Variants in DCTN4 observed in about 807,000 individuals in gnomAD.
DCTN4 encodes dynactin 4 (p62).
DCTN4 carries 23 observed loss-of-function variants against 62.7 expected under a neutral mutation model. The observed-to-expected ratio is 0.37, with a 90% confidence interval of 0.26 to 0.52. The LOEUF is 0.52. DCTN4 is among the 20% of genes least tolerant of loss of function. The pLI, the probability that DCTN4 is intolerant of heterozygous loss-of-function variation, is 0.92. For synonymous variants in DCTN4, 199 were observed against 202.1 expected (o/e 0.98, Z 0.13); for missense variants, 514 against 580.4 (o/e 0.89, Z 1.18).
intron 11 of DCTN4, 53 bp from the exon 12 acceptor site, chr5:150,715,715 A>T: frequency 7.1e-7 from 1 of 1,416,634 alleles, no homozygotes; most frequent in Non-Finnish European, 1.0e-6. Context: ...GTGACAGAAT[A>T]TAGCAAAGTA....
At position 150,708,707 on chromosome 5, in the gene DCTN4, T is replaced by C. The variant is rs1249450117; in HGVS notation, c.*2442A>G. On this transcript the variant is annotated 3_prime_UTR_variant, in exon 13 of 13. Transcript: ENST00000447998. ...ACGCTTGTCTTTTGGCTCTGAGCCA[T>C]GCTACTTAGTATCTACATGAGAGCA... 1 of 152,830 alleles carries C rather than the reference T, an allele frequency of 6.5e-6. No homozygotes were observed. Among genetic ancestry groups the C allele is most frequent in the East Asian group, 1.9e-4 (1 of 5,340 alleles). 9.5% of individuals were successfully genotyped at this position (152,830 alleles called of 1,614,324 possible).
intron 2 of DCTN4, 145 bp from the exon 3 acceptor site, chr5:150,753,802 G>T: frequency 2.7e-6 from 2 of 740,006 alleles, no homozygotes; most frequent in Non-Finnish European, 4.2e-6. Context: ...CAGTTCAAGA[G>T]TACTATATGT....
intron 11 of DCTN4, among the ~76,000 whole-genome samples, chr5:150,717,412 G>A (rs1475026823): frequency 6.6e-6 from 1 of 152,082 alleles, no homozygotes; most frequent in African/African-American, 2.4e-5. Context: ...ATCATGCCCG[G>A]CTAATTTTTG....
rs754780098 is a variant in DCTN4, at chr5:150,731,112, G to A, written c.656C>T (p.Ala219Val). 2 of 1,613,236 alleles carry A rather than the reference G, an allele frequency of 1.2e-6. No individual in the cohort carries two copies. The highest frequency in any genetic ancestry group is 1.7e-6 in the Non-Finnish European group (2 of 1,179,236). Residue 219 changes from alanine (A) to valine (V), a missense_variant, in exon 7 of 13, where the codon GCT (alanine) becomes GTT (valine). Transcript: ENST00000447998. ...EDQKEIKIEP[A>V]QAVDEVEPLP... is the part of the protein sequence containing the mutation. ...AGGTTCCACTTCATCCACAGCCTGA[G>A]CTGGCTCAATCTTTATCTCTTTCTG...
intron 4 of DCTN4, among the ~76,000 whole-genome samples, chr5:150,738,348 T>C (rs185245299): frequency 5.3e-5 from 8 of 152,146 alleles, no homozygotes; most frequent in South Asian, 2.1e-4. Flanking sequence ...CTGATGAACA[T>C]GGATGCAAAA....
intron 2 of DCTN4, among the ~76,000 whole-genome samples, chr5:150,756,167 A>C (rs1168671202): frequency 6.6e-6 from 1 of 151,202 alleles, no homozygotes; most frequent in Non-Finnish European, 1.5e-5. Context: ...TCAGCCTCCC[A>C]AGTAGCTGGG....
chr5:150,730,772 TAC>T, intron 7 of DCTN4, 32 bp from the exon 8 acceptor site: 1 of 1,582,658 alleles, frequency 6.3e-7, no homozygotes, highest in Non-Finnish European at 8.7e-7. Context: ...AGGCTTAGTT[TAC>T]AGTGACTTTC....
chr5:150,742,085 T>A (rs776388078), intron 4 of DCTN4, 29 bp downstream of exon 4: 1 of 1,610,130 alleles, frequency 6.2e-7, no homozygotes, highest in Admixed American at 1.7e-5. Context: ...TCCGATTTCA[T>A]CCTCTCTCTC....
At chr5:150,749,999 A>T (rs1291525472) in intron 3 of DCTN4, among the ~76,000 whole-genome samples, 1 of 152,226 alleles carries the variant, frequency 6.6e-6, no homozygotes, top group Non-Finnish European at 1.5e-5. Context: ...GTAAGACTCC[A>T]ATTACATACA....
chr5:150,758,717 T>A, intron 1 of DCTN4, 142 bp downstream of exon 1: 1 of 1,373,902 alleles, frequency 7.3e-7, no homozygotes, highest in Admixed American at 2.1e-5. Flanking sequence ...AGAAGCAAAT[T>A]AAATCGCAGG....
chr5:150,750,594 G>GT (rs1386574006), intron 3 of DCTN4, among the ~76,000 whole-genome samples: 2 of 152,158 alleles, frequency 1.3e-5, no homozygotes, highest in Admixed American at 6.5e-5. Flanking sequence ...GTAAACTGTG[G>GT]TGAGTCATAC....
intron 10 of DCTN4, 140 bp from the exon 11 acceptor site, chr5:150,718,523 T>C (rs1759852148): frequency 3.3e-6 from 2 of 614,334 alleles, no homozygotes; most frequent in Non-Finnish European, 5.8e-6. Flanking sequence ...GTATTCTCTA[T>C]GTGCTTACTG....
intron 4 of DCTN4, chr5:150,736,369 G>T (rs1338472836): frequency 6.6e-6 from 1 of 152,200 alleles, no homozygotes; most frequent in East Asian, 1.9e-4. Flanking sequence ...AAAAACATCA[G>T]ATAACCTATA....
chr5:150,751,745 T>C (rs1204244276), intron 3 of DCTN4, among the ~76,000 whole-genome samples: 1 of 151,080 alleles, frequency 6.6e-6, no homozygotes, highest in African/African-American at 2.5e-5. Flanking sequence ...TATTTAACTT[T>C]CTGTTTTTGA....
At chr5:150,736,439 A>C (rs1188890713) in intron 4 of DCTN4, 3 of 152,252 alleles carry the variant, frequency 2.0e-5, no homozygotes, top group African/African-American at 7.2e-5. Flanking sequence ...GCTAGAAGGG[A>C]CTGGGGTCCT....
chr5:150,750,556 A>C (rs1382858768), intron 3 of DCTN4, among the ~76,000 whole-genome samples: 1 of 152,212 alleles, frequency 6.6e-6, no homozygotes, highest in African/African-American at 2.4e-5. Context: ...AAAACAACCT[A>C]AATGTTCATT....
chr5:150,721,179 A>G (rs1759944951), intron 9 of DCTN4, among the ~76,000 whole-genome samples: 1 of 152,156 alleles, frequency 6.6e-6, no homozygotes, highest in South Asian at 2.1e-4. Flanking sequence ...CTCACTAGAC[A>G]TGCACTTCCC....
rs553519014 is a variant in DCTN4, at chr5:150,709,891, G to A, written c.*1258C>T. The A allele has an allele frequency of 6.6e-6, 1 of 152,392 alleles. No homozygotes were observed. Among genetic ancestry groups the A allele is most frequent in the Non-Finnish European group, 1.5e-5 (1 of 68,018 alleles). 9.4% of individuals were successfully genotyped at this position (152,392 alleles called of 1,614,324 possible). A position where few individuals can be genotyped will look rare whatever the true frequency, so the allele number is the denominator to read the frequency against. Reference sequence around the variant, plus strand: ...CTAACAATACTTTTACAGAAAACACGGTGCAGCTGGTGGTCTACTTTATCA... The same window carrying A: ...CTAACAATACTTTTACAGAAAACACAGTGCAGCTGGTGGTCTACTTTATCA... On this transcript the variant is annotated 3_prime_UTR_variant, in exon 13 of 13. Transcript: ENST00000447998.
intron 4 of DCTN4, among the ~76,000 whole-genome samples, chr5:150,741,823 T>C (rs1241802863): frequency 2.0e-5 from 3 of 152,210 alleles, no homozygotes; most frequent in Non-Finnish European, 4.4e-5. Flanking sequence ...AAATGGAACC[T>C]TAACTCACTG....
Sources: allele counts gnomAD v4.1 joint callset (sites outside exome capture counted in the v4.1 genomes callset), GRCh38; gene constraint gnomAD v4.1.1; transcripts MANE v1.5; gene names NCBI Gene and HGNC (gene_info 2026-07-23, HGNC 2026-07-21).